The following TANC2 variants were observed in gnomAD, a reference collection of about 807,000 sequenced individuals.
TANC2 encodes tetratricopeptide repeat, ankyrin repeat and coiled-coil containing 2, also known as protein TANC2.
Under a neutral mutation model 210.5 loss-of-function variants are expected in TANC2, and 26 were observed. The ratio of observed to expected loss-of-function variants is 0.12; its 90% CI spans 0.09 to 0.17. The LOEUF (loss-of-function observed/expected upper bound fraction) is 0.17. Among genes scored for constraint, TANC2 ranks in the 10% least tolerant of loss-of-function variants. The pLI is 1.00. For missense variants in TANC2, 2,129 were observed against 2,608.9 expected, an observed-to-expected ratio of 0.82 and a Z score of 4.01; for synonymous variants, 931 against 967.1, an observed-to-expected ratio of 0.96 and a Z score of 0.69.
chr17:62,997,505 T>G (rs1045798772), intron 1 of TANC2, among the ~76,000 whole-genome samples: 1 of 152,160 alleles, frequency 6.6e-6, no homozygotes, highest in African/African-American at 2.4e-5. Context: ...ATGAACAGAT[T>G]TGTATTCAAA....
intron 9 of TANC2, among the ~76,000 whole-genome samples, chr17:63,294,612 A>G (rs2044479168): frequency 6.6e-6 from 1 of 152,230 alleles, no homozygotes; most frequent in Admixed American, 6.5e-5. Flanking sequence ...GAATTTTACA[A>G]CAAACACTCA....
chr17:63,127,039 A>G (rs940374433), intron 4 of TANC2, among the ~76,000 whole-genome samples: 2 of 152,212 alleles, frequency 1.3e-5, no homozygotes, highest in Non-Finnish European at 2.9e-5. Context: ...GTTATGACTA[A>G]GTTTCTCATT....
At chr17:63,182,287 T>C in intron 5 of TANC2, 1 of 194,840 alleles carries the variant, frequency 5.1e-6, no homozygotes, top group East Asian at 1.3e-4. Flanking sequence ...ATAAAAATCC[T>C]GAGAATAGAG....
chr17:63,087,430 C>G (rs1490288367), intron 3 of TANC2, among the ~76,000 whole-genome samples: 1 of 151,936 alleles, frequency 6.6e-6, no homozygotes, highest in Non-Finnish European at 1.5e-5. Flanking sequence ...CTTTGTTTTT[C>G]TTTGTTTTTT....
intron 14 of TANC2, among the ~76,000 whole-genome samples, chr17:63,356,076 A>G (rs2046773987): frequency 6.6e-6 from 1 of 152,094 alleles, no homozygotes; most frequent in African/African-American, 2.4e-5. Context: ...TGCATGATAT[A>G]TCCCACCACT....
At chr17:62,988,295 C>CTT (rs59386058) in intron 1 of TANC2, among the ~76,000 whole-genome samples, 9,129 of 111,664 alleles carry the variant, frequency 0.082, 653 homozygotes, top group African/African-American at 0.17. Flanking sequence ...ACCTGGCTAA[C>CTT]TTTTTTTTTT....
At chr17:63,183,834 G>T (rs894270087) in intron 5 of TANC2, among the ~76,000 whole-genome samples, 1 of 152,086 alleles carries the variant, frequency 6.6e-6, no homozygotes, top group African/African-American at 2.4e-5. Context: ...TGGCTAACAC[G>T]GTGAAACCCC....
At chr17:63,415,428 CTTAG>C in intron 25 of TANC2, 96 bp from the exon 26 acceptor site, 1 of 1,488,478 alleles carries the variant, frequency 6.7e-7, no homozygotes, top group Non-Finnish European at 9.1e-7. Flanking sequence ...AGGGTTAGCC[CTTAG>C]TAACAGCTGC....
intron 5 of TANC2, among the ~76,000 whole-genome samples, chr17:63,176,939 A>G (rs1018234103): frequency 2.0e-5 from 3 of 151,934 alleles, no homozygotes; most frequent in Non-Finnish European, 4.4e-5. Context: ...TGATTTTGGT[A>G]GTTTTACCAG....
chr17:63,379,603 A>C (rs1474793498), intron 14 of TANC2, 115 bp from the exon 15 acceptor site: 1 of 673,860 alleles, frequency 1.5e-6, no homozygotes, highest in Non-Finnish European at 2.4e-6. Flanking sequence ...CAAGAGGTGG[A>C]GGCTGCAGTG....
chr17:63,308,110 A>G (rs775663945), intron 9 of TANC2, among the ~76,000 whole-genome samples: 8 of 152,098 alleles, frequency 5.3e-5, no homozygotes, highest in Non-Finnish European at 8.8e-5. Flanking sequence ...TGAGGAAATT[A>G]TATCTCTAAT....
chr17:63,006,776 T>C (rs1159040853), intron 1 of TANC2, among the ~76,000 whole-genome samples: 1 of 152,166 alleles, frequency 6.6e-6, no homozygotes, highest in African/African-American at 2.4e-5. Context: ...TTCAAACATA[T>C]CATAGTTTTT....
At chr17:63,397,144 A>T (rs1333544565) in intron 18 of TANC2, among the ~76,000 whole-genome samples, 4 of 152,042 alleles carry the variant, frequency 2.6e-5, no homozygotes, top group African/African-American at 9.7e-5. Context: ...GCGTGGCAGT[A>T]GGCACCTGTA....
rs149430277 is a variant in TANC2, at chr17:62,991,398, G to A, written c.-23-18139G>A. ...TCATGCCTGTAATCCCAGCACTTTG[G>A]GAGGCCAAGACGGGCGGATCATGAG... is the stretch of plus-strand genomic sequence containing the variant. On this transcript the variant is annotated intron_variant, in intron 1 of 27. Transcript: ENST00000689528. Among the ~76,000 whole-genome samples, 3 of 152,058 alleles carry A rather than the reference G, an allele frequency of 2.0e-5. No homozygotes were observed. The East Asian group carries it at 5.8e-4, about 29-fold the overall frequency.
In TANC2 at chr17:63,312,918, C is replaced by T. The variant is rs1266585142; in HGVS notation, c.1160-1470C>T. ...TTTATATTTTAAATTATTTGCACTA[C>T]TTTTGGAAATTTTAGCCTTTTTTAA... On this transcript the variant is annotated intron_variant, in intron 9 of 27. Coordinates refer to ENST00000689528, the Ensembl canonical transcript of TANC2. 2.6e-5 allele frequency among the ~76,000 whole-genome samples: 4 copies of T among 152,222 alleles called. No homozygotes were observed. In the East Asian group the frequency reaches 5.8e-4, roughly 22 times the overall value.
At chr17:63,010,630 G>A (rs76287788) in intron 2 of TANC2, among the ~76,000 whole-genome samples, 3,179 of 152,162 alleles carry the variant, frequency 0.021, 45 homozygotes, top group South Asian at 0.044. Context: ...CACCAATTGC[G>A]TGTGGTGGAT....
intron 4 of TANC2, among the ~76,000 whole-genome samples, chr17:63,122,306 T>C (rs150503511): frequency 1.1e-4 from 16 of 152,296 alleles, no homozygotes; most frequent in Non-Finnish European, 2.4e-4. Context: ...TGCAAAACCA[T>C]GTGGAACAAG....
At chr17:63,195,877 A>G (rs920504002) in intron 6 of TANC2, among the ~76,000 whole-genome samples, 132 of 152,124 alleles carry the variant, frequency 8.7e-4, no homozygotes, top group Non-Finnish European at 8.8e-5. Flanking sequence ...CCTCTCCTAC[A>G]TCACTTCCTA....
intron 3 of TANC2, among the ~76,000 whole-genome samples, chr17:63,093,997 A>T (rs2037297088): frequency 1.3e-5 from 2 of 152,054 alleles, no homozygotes; most frequent in African/African-American, 4.8e-5. Context: ...ATGTATTCCT[A>T]AATATTTTAT....
Sources: gnomAD v4.1 joint callset for allele counts (sites outside exome capture counted in the v4.1 genomes callset) on GRCh38, gnomAD v4.1.1 for gene constraint, MANE v1.5 for transcripts, NCBI Gene and HGNC (gene_info 2026-07-23, HGNC 2026-07-21) for gene names.